Variants in KLHDC1 observed in about 807,000 individuals in gnomAD.
KLHDC1 encodes the protein kelch domain-containing protein 1.
KLHDC1 carries 53 observed loss-of-function variants against 68.3 expected under a neutral mutation model. The ratio of observed to expected loss-of-function variants is 0.78; its 90% CI spans 0.62 to 0.98. KLHDC1 has a LOEUF of 0.98. Ranked by LOEUF, KLHDC1 falls within the 50% of genes least tolerant of loss-of-function variation. The pLI, the probability that KLHDC1 is intolerant of heterozygous loss-of-function variation, is 0.00. For synonymous variants in KLHDC1, 148 were observed against 159.0 expected (o/e 0.93, Z 0.52); for missense variants, 470 against 492.3 (o/e 0.95, Z 0.43).
At chr14:49,738,386 T>G (rs1258052343) in intron 10 of KLHDC1, among the ~76,000 whole-genome samples, 1 of 150,936 alleles carries the variant, frequency 6.6e-6, no homozygotes, top group Non-Finnish European at 1.5e-5. Flanking sequence ...TCACCCAGGC[T>G]GGGGTGCAGT....
chr14:49,728,047 C>T (rs1182662927), intron 6 of KLHDC1, among the ~76,000 whole-genome samples: 2 of 152,198 alleles, frequency 1.3e-5, no homozygotes, highest in Non-Finnish European at 2.9e-5. Context: ...CCTAGGGTGG[C>T]GTAATGGCTC....
chr14:49,727,344 T>C (rs1304842814), intron 6 of KLHDC1, among the ~76,000 whole-genome samples: 1 of 152,138 alleles, frequency 6.6e-6, no homozygotes, highest in African/African-American at 2.4e-5. Context: ...AAAGGGATGA[T>C]TGGCCAGTCT....
chr14:49,741,170 A>AC (rs1291449420), intron 11 of KLHDC1, among the ~76,000 whole-genome samples: 1 of 152,152 alleles, frequency 6.6e-6, no homozygotes, highest in Non-Finnish European at 1.5e-5. Flanking sequence ...TATAATAAAT[A>AC]CCCATGAATT....
chr14:49,722,604 A>G (rs148116315), intron 4 of KLHDC1, among the ~76,000 whole-genome samples: 4 of 152,220 alleles, frequency 2.6e-5, no homozygotes, highest in Non-Finnish European at 5.9e-5. Context: ...CAAGCCTTGT[A>G]TTACGCCTTT....
intron 1 of KLHDC1, among the ~76,000 whole-genome samples, chr14:49,697,742 TAGAA>T (rs1457151024): frequency 6.6e-6 from 1 of 152,230 alleles, no homozygotes; most frequent in Non-Finnish European, 1.5e-5. Context: ...AGGGGAAAAT[TAGAA>T]CTAACTTTTG....
At chr14:49,714,695 A>G (rs967434529) in intron 4 of KLHDC1, among the ~76,000 whole-genome samples, 3 of 151,922 alleles carry the variant, frequency 2.0e-5, no homozygotes, top group African/African-American at 4.8e-5. Context: ...AGGCAGGAGG[A>G]TATGTATAGT....
chr14:49,704,251 C>T (rs753090692), intron 1 of KLHDC1, among the ~76,000 whole-genome samples: 29 of 151,988 alleles, frequency 1.9e-4, no homozygotes, highest in African/African-American at 5.5e-4. Context: ...AAAATGCTGG[C>T]TCATGTCTTT....
At chr14:49,730,712 C>T (rs1166807115) in intron 8 of KLHDC1, among the ~76,000 whole-genome samples, 2 of 152,268 alleles carry the variant, frequency 1.3e-5, no homozygotes, top group East Asian at 1.9e-4. Flanking sequence ...GTGGCTCACA[C>T]CTGTAATCCC....
At chr14:49,701,192 C>G (rs1206022429) in intron 1 of KLHDC1, among the ~76,000 whole-genome samples, 2 of 152,090 alleles carry the variant, frequency 1.3e-5, no homozygotes, top group East Asian at 3.9e-4. Context: ...GGAAAATGAT[C>G]ACTTATGCAA....
chr14:49,722,358 A>G (rs1015142500), intron 4 of KLHDC1, among the ~76,000 whole-genome samples: 1 of 152,192 alleles, frequency 6.6e-6, no homozygotes, highest in Non-Finnish European at 1.5e-5. Flanking sequence ...GAGTGAGAAC[A>G]TGCGGTGTTT....
intron 1 of KLHDC1, among the ~76,000 whole-genome samples, chr14:49,694,953 T>C (rs1452004924): frequency 6.6e-6 from 1 of 152,236 alleles, no homozygotes; most frequent in Non-Finnish European, 1.5e-5. Context: ...TTCTTTTTGC[T>C]CATGGAGGGT....
At chr14:49,736,618 T>G (rs1888935723) in intron 10 of KLHDC1, among the ~76,000 whole-genome samples, 1 of 152,194 alleles carries the variant, frequency 6.6e-6, no homozygotes, top group South Asian at 2.1e-4. Context: ...TACAAATTTT[T>G]CAAGTTGTAA....
intron 4 of KLHDC1, 145 bp from the exon 5 acceptor site, chr14:49,723,729 G>T: frequency 1.8e-6 from 1 of 560,856 alleles, no homozygotes; most frequent in South Asian, 2.5e-5. Context: ...GGTTTATTTA[G>T]GTCTCTTTGT....
intron 12 of KLHDC1, among the ~76,000 whole-genome samples, chr14:49,749,045 C>T (rs972277106): frequency 2.6e-5 from 4 of 152,016 alleles, no homozygotes; most frequent in African/African-American, 4.8e-5. Flanking sequence ...ATGATCCTCC[C>T]GCCTCGGCCT....
intron 4 of KLHDC1, 103 bp from the exon 5 acceptor site, chr14:49,723,771 A>AT: frequency 1.6e-6 from 1 of 624,828 alleles, no homozygotes; most frequent in Non-Finnish European, 2.8e-6. Flanking sequence ...TTAAACTGTG[A>AT]TTTTGTGTTT....
At chr14:49,719,184 T>C (rs1371831499) in intron 4 of KLHDC1, among the ~76,000 whole-genome samples, 1 of 152,154 alleles carries the variant, frequency 6.6e-6, no homozygotes, top group Non-Finnish European at 1.5e-5. Flanking sequence ...TCTTGTCTAA[T>C]TCCTTAACTT....
intron 12 of KLHDC1, among the ~76,000 whole-genome samples, chr14:49,750,151 C>G (rs150802814): frequency 1.8e-4 from 28 of 152,180 alleles, no homozygotes; most frequent in Admixed American, 2.0e-4. Flanking sequence ...CTGCTTGGCT[C>G]GCACTGCCAG....
chr14:49,746,826 T>G lies in KLHDC1; in HGVS notation c.1034+3021T>G, dbSNP rs1889209554. Among the ~76,000 whole-genome samples the G allele has an allele frequency of 7.9e-5, 12 of 152,188 alleles. 1 individual carries two copies. In the South Asian group the frequency reaches 2.3e-3, roughly 29 times the overall value. On this transcript the variant is annotated intron_variant, in intron 12 of 12. Transcript: ENST00000359332. Reference sequence around the variant, plus strand: ...CAGTTCCACCTGTGAAATCTTAAACTCCCATCCTCCTCTTGGACCAGAAAC... The same window carrying G: ...CAGTTCCACCTGTGAAATCTTAAACGCCCATCCTCCTCTTGGACCAGAAAC...
At position 49,710,258 on chromosome 14, in the gene KLHDC1, T is replaced by C; in HGVS notation, c.286-5T>C. 6.7e-7 allele frequency: 1 copy of C among 1,498,300 alleles called. No homozygotes were observed. The highest frequency in any genetic ancestry group is 2.3e-5 in the East Asian group (1 of 44,220). The allele number at this position is 1,498,300 out of a possible 1,614,324, so 92.8% of individuals were successfully genotyped here. ...GTCTGCTAATAGTGTTCTCATCTTT[T>C]AAAGCTTTATTTTGTTAATTTACGA... is the stretch of plus-strand genomic sequence containing the variant. On this transcript the variant is annotated splice_polypyrimidine_tract_variant and splice_region_variant and intron_variant, in intron 3 of 12. Transcript: ENST00000359332.
Sources: gnomAD v4.1 joint callset for allele counts (sites outside exome capture counted in the v4.1 genomes callset) on GRCh38, gnomAD v4.1.1 for gene constraint, MANE v1.5 for transcripts, NCBI Gene and HGNC (gene_info 2026-07-23, HGNC 2026-07-21) for gene names.